Variants in DYNC2I2 observed in about 807,000 individuals in gnomAD.
The protein encoded by DYNC2I2 is cytoplasmic dynein 2 intermediate chain 2.
A neutral mutation model predicts 52.0 loss-of-function variants in DYNC2I2; 39 were observed. That is an observed-to-expected ratio of 0.75 (90% CI 0.58 to 0.98). The LOEUF (loss-of-function observed/expected upper bound fraction) is 0.98. Ranked by LOEUF, DYNC2I2 falls within the 50% of genes least tolerant of loss-of-function variation. The pLI is 0.00. For synonymous variants in DYNC2I2, 359 were observed against 321.1 expected (o/e 1.12, Z -1.26); for missense variants, 743 against 728.4 (o/e 1.02, Z -0.23).
chr9:128,637,556 C>A (rs1286354579), intron 2 of DYNC2I2, among the ~76,000 whole-genome samples: 1 of 152,182 alleles, frequency 6.6e-6, no homozygotes, highest in Non-Finnish European at 1.5e-5. Flanking sequence ...GATTCTCATG[C>A]CTCAGCCTCC....
chr9:128,671,303 T>TA, the DYNC2I2 span, among the ~76,000 whole-genome samples: 3 of 132,712 alleles, frequency 2.3e-5, no homozygotes, highest in Non-Finnish European at 4.8e-5. Flanking sequence ...CCTGTCTCTC[T>TA]TTTTTTTTTT....
At chr9:128,635,343 C>G in intron 5 of DYNC2I2, 84 bp from the exon 6 acceptor site, 3 of 1,467,008 alleles carry the variant, frequency 2.0e-6, no homozygotes, top group Non-Finnish European at 2.7e-6. Flanking sequence ...TCCCTCTCTT[C>G]CAGGAAAAAA....
At chr9:128,653,673 G>A (rs913623619) in intron 1 of DYNC2I2, among the ~76,000 whole-genome samples, 10 of 150,374 alleles carry the variant, frequency 6.7e-5, no homozygotes, top group African/African-American at 1.7e-4. Context: ...CTGAGATCAC[G>A]CCATTGCACT....
In DYNC2I2 at chr9:128,656,722, G is replaced by C; in HGVS notation, c.5C>G (p.Ala2Gly). 1 of 1,414,622 alleles carries C rather than the reference G, an allele frequency of 7.1e-7. No homozygotes were observed. Among genetic ancestry groups the C allele is most frequent in the Non-Finnish European group, 9.2e-7 (1 of 1,091,258 alleles). The allele number at this position is 1,414,622 out of a possible 1,614,324, so 87.6% of individuals were successfully genotyped here. The change falls in exon 1 of 9, where the codon GCA (alanine) becomes GGA (glycine). Residue 2 changes from alanine to glycine, a missense_variant. Physicochemically the swap from Ala to Gly is moderately conservative, Grantham distance 60 (BLOSUM62 0). Transcript: ENST00000372715. M[A>G]TRAQPGPLSQ... ...GAGTGGCCCCGGCTGCGCGCGGGTT[G>C]CCATGGAGACGGTTCCGCCCTCTCG... is the stretch of plus-strand genomic sequence containing the variant.
the DYNC2I2 span, among the ~76,000 whole-genome samples, chr9:128,680,036 C>T: frequency 1.3e-5 from 2 of 151,980 alleles, no homozygotes; most frequent in African/African-American, 2.4e-5. Context: ...GCTAATTTTG[C>T]CTGTTTTAGT....
the DYNC2I2 span, among the ~76,000 whole-genome samples, chr9:128,668,953 A>G: frequency 1.3e-5 from 2 of 151,844 alleles, no homozygotes; most frequent in Admixed American, 1.3e-4. Flanking sequence ...CCATATGGCC[A>G]GGTGCAGTGG....
chr9:128,635,378 A>C (rs73669956), intron 5 of DYNC2I2, 119 bp from the exon 6 acceptor site: 1 of 1,282,460 alleles, frequency 7.8e-7, no homozygotes, highest in Non-Finnish European at 1.1e-6. Flanking sequence ...AGGCCCCAGA[A>C]CCAGGCTCAC....
the DYNC2I2 span, among the ~76,000 whole-genome samples, chr9:128,682,918 C>T: frequency 2.0e-4 from 30 of 151,552 alleles, no homozygotes; most frequent in Non-Finnish European, 4.0e-4. Flanking sequence ...CCTCGTGATC[C>T]GCCTGCCTCA....
chr9:128,661,842 G>A (rs533302606), upstream of DYNC2I2, among the ~76,000 whole-genome samples: 201 of 152,100 alleles, frequency 1.3e-3, 1 homozygote, highest in Non-Finnish European at 1.5e-3. Flanking sequence ...AGGAGTTGGA[G>A]ACCAGCCTAG....
Position 128,640,684 on chromosome 9 carries a change from C to T in DYNC2I2, c.435+7G>A, listed in dbSNP as rs751146664. On this transcript the variant is annotated splice_region_variant and intron_variant, in intron 2 of 8. Transcript: ENST00000372715. ...TCGACCCGAGGCTGCACCAGCCCAT[C>T]CCCTACCATCTGCTGCTGCTCGGTC... 2 of 1,612,736 alleles carry T rather than the reference C, an allele frequency of 1.2e-6. No individual in the cohort carries two copies. Among genetic ancestry groups the T allele is most frequent in the Admixed American group, 3.3e-5 (2 of 59,960 alleles).
the DYNC2I2 span, among the ~76,000 whole-genome samples, chr9:128,671,895 C>T: frequency 8.6e-5 from 13 of 151,676 alleles, no homozygotes; most frequent in South Asian, 1.5e-3. Flanking sequence ...CCTCATGATC[C>T]GCCCGCCTCG....
chr9:128,639,520 CCCAGAGCATGGCAGTGAAA>C (rs1360612604), intron 2 of DYNC2I2, among the ~76,000 whole-genome samples: 7 of 152,152 alleles, frequency 4.6e-5, no homozygotes, highest in African/African-American at 1.7e-4. Flanking sequence ...GGGCAGATGA[CCCAGAGCATGGCAGTGAAA>C]CCAGAGAGAC....
the DYNC2I2 span, among the ~76,000 whole-genome samples, chr9:128,674,558 A>G: frequency 6.6e-6 from 1 of 151,928 alleles, no homozygotes; most frequent in African/African-American, 2.4e-5. Context: ...CCTGGCCAAT[A>G]TGGTGACACC....
chr9:128,667,526 A>T, the DYNC2I2 span, among the ~76,000 whole-genome samples: 1 of 147,588 alleles, frequency 6.8e-6, no homozygotes, highest in Admixed American at 6.9e-5. Context: ...GGGTTTCATT[A>T]TGTTGGCCAG....
Position 128,634,309 on chromosome 9 carries a change from G to T in DYNC2I2, c.1289C>A (p.Ser430Ter), listed in dbSNP as rs746996134. Residue 430 changes from serine (S) to a stop codon, truncating the protein, a stop_gained, in exon 8 of 9, where the codon TCG (serine) becomes TAG (stop). Coordinates refer to ENST00000372715, the MANE Select transcript of DYNC2I2 (RefSeq NM_052844.4). LOFTEE classifies it high-confidence loss of function. ...CAGATACTTGAGGGAGAGCTGCAGC[G>T]AAGTCAAGGGAGGGGCCTGCAGCAT... ...YSMLQAPPLT[S>*]LQLSLKYLFA... 6.2e-7 allele frequency: 1 copy of T among 1,613,428 alleles called. No individual in the cohort carries two copies.
chr9:128,635,904 A>G (rs1860399948), intron 4 of DYNC2I2, 137 bp from the exon 5 acceptor site: 1 of 788,290 alleles, frequency 1.3e-6, no homozygotes, highest in Non-Finnish European at 2.1e-6. Context: ...AGTCATCCCC[A>G]CAGAGGGAGA....
chr9:128,654,258 T>A (rs1860774653), intron 1 of DYNC2I2, among the ~76,000 whole-genome samples: 1 of 152,088 alleles, frequency 6.6e-6, no homozygotes, highest in South Asian at 2.1e-4. Flanking sequence ...AAATCTGTCC[T>A]CAAGAGTAAG....
chr9:128,668,152 G>A, the DYNC2I2 span, among the ~76,000 whole-genome samples: 76 of 151,952 alleles, frequency 5.0e-4, 2 homozygotes, highest in South Asian at 0.014. Context: ...ATAGAGACGG[G>A]GTTTCATCAT....
At chr9:128,681,011 G>T in the DYNC2I2 span, among the ~76,000 whole-genome samples, 6 of 152,022 alleles carry the variant, frequency 3.9e-5, no homozygotes, top group African/African-American at 1.2e-4. Flanking sequence ...ATCACATGGT[G>T]TATACTATTT....
Sources: allele counts gnomAD v4.1 joint callset (sites outside exome capture counted in the v4.1 genomes callset), GRCh38; gene constraint gnomAD v4.1.1; transcripts MANE v1.5; gene names NCBI Gene and HGNC (gene_info 2026-07-23, HGNC 2026-07-21).